The following PRDM16 variants were observed in gnomAD, a reference collection of about 807,000 sequenced individuals.
PRDM16 encodes histone-lysine N-methyltransferase PRDM16.
Under a neutral mutation model 110.6 loss-of-function variants are expected in PRDM16, and 23 were observed. The ratio of observed to expected loss-of-function variants is 0.21; its 90% CI spans 0.15 to 0.29. The LOEUF is 0.29. PRDM16 is among the 10% of genes least tolerant of loss of function. The pLI is 1.00. For missense variants in PRDM16, 1,615 were observed against 1,794.3 expected (o/e 0.90, Z 1.81); for synonymous variants, 799 against 781.8 (o/e 1.02, Z -0.37).
chr1:3,431,926 G>A, intron 15 of PRDM16, 40 bp from the exon 16 acceptor site: 2 of 1,593,094 alleles, frequency 1.3e-6, no homozygotes, highest in Non-Finnish European at 8.6e-7. Flanking sequence ...AGGCCAGGCT[G>A]CTGACAGCAG....
chr1:3,104,354 G>A (rs1642600219), intron 1 of PRDM16, among the ~76,000 whole-genome samples: 1 of 152,154 alleles, frequency 6.6e-6, no homozygotes, highest in African/African-American at 2.4e-5. Flanking sequence ...AGGTGCTGGT[G>A]GGAGCTGGGA....
At chr1:3,401,459 TGCAC>T (rs1271578472) in intron 5 of PRDM16, among the ~76,000 whole-genome samples, 1 of 152,140 alleles carries the variant, frequency 6.6e-6, no homozygotes, top group Non-Finnish European at 1.5e-5. Context: ...AGCACCCAAA[TGCAC>T]ACACACAAAT....
At chr1:3,362,738 G>C (rs974527743) in intron 3 of PRDM16, among the ~76,000 whole-genome samples, 8 of 152,142 alleles carry the variant, frequency 5.3e-5, no homozygotes, top group Admixed American at 5.2e-4. Flanking sequence ...AAAGCCGGCC[G>C]GGTCTCCTCA....
intron 3 of PRDM16, among the ~76,000 whole-genome samples, chr1:3,285,342 T>C: frequency 6.6e-6 from 1 of 152,204 alleles, no homozygotes; most frequent in East Asian, 1.9e-4. Context: ...CTCTGCCCTC[T>C]GCCCTCACCC....
intron 3 of PRDM16, among the ~76,000 whole-genome samples, chr1:3,298,604 TCCCAATTCATATCAGACA>T: frequency 6.6e-6 from 1 of 152,284 alleles, no homozygotes; most frequent in South Asian, 2.1e-4. Context: ...GTTGTGTGGT[TCCCAATTCATATCAGACA>T]CCCTTCCAGT....
rs768262503 is a variant in PRDM16 at position 3,069,311 on chromosome 1, C to T, written c.37+15C>T. 12 of 1,384,136 alleles carry T rather than the reference C, an allele frequency of 8.7e-6. No individual in the cohort carries two copies. The East Asian group carries it at 3.9e-4, about 45-fold the overall frequency. The allele number at this position is 1,384,136 out of a possible 1,614,324, so 85.7% of individuals were successfully genotyped here. A position where few individuals can be genotyped will look rare whatever the true frequency, so the allele number is the denominator to read the frequency against. On this transcript the variant is annotated intron_variant, in intron 1 of 16. Transcript: ENST00000270722. This position sits in a 1 kb window ranked among gnomAD's most constrained non-coding sequence, Gnocchi z 6.1. Reference sequence around the variant, plus strand: ...GCTAGCCAAAAGTAAGTCTCCCGCGCTCGGCCGCGCCGCGCCGCCGGGGCC... The same window carrying T: ...GCTAGCCAAAAGTAAGTCTCCCGCGTTCGGCCGCGCCGCGCCGCCGGGGCC...
At chr1:3,262,429 T>C (rs920711329) in intron 3 of PRDM16, among the ~76,000 whole-genome samples, 1 of 151,768 alleles carries the variant, frequency 6.6e-6, no homozygotes. Flanking sequence ...CGAGCAGGAG[T>C]CTTGCCCTGG....
At chr1:3,421,665 G>A (rs533535560) in intron 12 of PRDM16, among the ~76,000 whole-genome samples, 5 of 152,306 alleles carry the variant, frequency 3.3e-5, no homozygotes, top group African/African-American at 7.2e-5. Flanking sequence ...GGCTCTCCCC[G>A]GCCCCAGAGC....
At chr1:3,242,828 T>G (rs1044584680) in intron 2 of PRDM16, among the ~76,000 whole-genome samples, 5 of 152,250 alleles carry the variant, frequency 3.3e-5, no homozygotes, top group Admixed American at 3.3e-4. Flanking sequence ...TCTCGTTTTA[T>G]TTTTCAAGTA....
intron 3 of PRDM16, among the ~76,000 whole-genome samples, chr1:3,266,900 A>G (rs142258994): frequency 0.016 from 2,483 of 151,780 alleles, 79 homozygotes; most frequent in African/African-American, 0.056. Flanking sequence ...CTGCTCTCGA[A>G]CTCCTGACCT....
chr1:3,089,724 T>A (rs1642231461), intron 1 of PRDM16, among the ~76,000 whole-genome samples: 1 of 152,144 alleles, frequency 6.6e-6, no homozygotes, highest in Non-Finnish European at 1.5e-5. Context: ...TCATTACGTC[T>A]CCTCCGGGCC....
rs375024396 is a variant in PRDM16, at chr1:3,167,530, C to T, written c.38-18595C>T. Reference sequence around the variant, plus strand: ...GCCACAGGTGAAGAAGGTGCCAACCCGGAGCCTCCTCCCAGCGCCTCTGTG... The same window carrying T: ...GCCACAGGTGAAGAAGGTGCCAACCTGGAGCCTCCTCCCAGCGCCTCTGTG... On this transcript the variant is annotated intron_variant, in intron 1 of 16. Transcript: ENST00000270722. 5.3e-5 allele frequency among the ~76,000 whole-genome samples: 8 copies of T among 152,114 alleles called. No individual in the cohort carries two copies. In the East Asian group the frequency reaches 9.7e-4, roughly 18 times the overall value.
intron 1 of PRDM16, among the ~76,000 whole-genome samples, chr1:3,156,849 GC>G (rs1296892724): frequency 2.6e-5 from 4 of 152,192 alleles, no homozygotes; most frequent in African/African-American, 9.7e-5. Context: ...TTCTGTCTGA[GC>G]CTCTGCACCA....
chr1:3,431,942 C>T, intron 15 of PRDM16, 24 bp from the exon 16 acceptor site: 1 of 1,604,494 alleles, frequency 6.2e-7, no homozygotes, highest in Non-Finnish European at 8.5e-7. Context: ...AGCAGGCCTT[C>T]CCTCTCCCCG....
intron 2 of PRDM16, among the ~76,000 whole-genome samples, chr1:3,198,806 G>A (rs1466707147): frequency 6.6e-6 from 1 of 152,188 alleles, no homozygotes; most frequent in Non-Finnish European, 1.5e-5. Flanking sequence ...CTGGGCTAAT[G>A]CCCAGTTTAA....
chr1:3,179,506 A>C (rs758647027), intron 1 of PRDM16, among the ~76,000 whole-genome samples: 5 of 152,202 alleles, frequency 3.3e-5, no homozygotes, highest in Non-Finnish European at 7.3e-5. Flanking sequence ...GGATGCGGGC[A>C]CCTGAGAGGC....
At chr1:3,134,182 G>A (rs1643390364) in intron 1 of PRDM16, among the ~76,000 whole-genome samples, 1 of 152,212 alleles carries the variant, frequency 6.6e-6, no homozygotes, top group Non-Finnish European at 1.5e-5. Context: ...TCCCGGCGCT[G>A]ATGTCCAGTG....
At chr1:3,296,883 A>G (rs1641100300) in intron 3 of PRDM16, among the ~76,000 whole-genome samples, 1 of 152,116 alleles carries the variant, frequency 6.6e-6, no homozygotes, top group Non-Finnish European at 1.5e-5. Flanking sequence ...TCACACACCA[A>G]ACCCACCGAG....
intron 1 of PRDM16, among the ~76,000 whole-genome samples, chr1:3,177,992 C>T (rs777091061): frequency 8.5e-5 from 13 of 152,156 alleles, no homozygotes; most frequent in Admixed American, 1.3e-4. Context: ...TTCTGGCAGA[C>T]GCCAGGCCGC....
Sources: gnomAD v4.1 joint callset for allele counts (sites outside exome capture counted in the v4.1 genomes callset) on GRCh38, gnomAD v4.1.1 for gene constraint, Gnocchi (gnomAD v3.1) non-coding constraint, MANE v1.5 for transcripts, NCBI Gene and HGNC (gene_info 2026-07-23, HGNC 2026-07-21) for gene names.